Variants in ST6GAL1 observed in about 807,000 individuals in gnomAD.
ST6GAL1 encodes ST6 beta-galactoside alpha-2,6-sialyltransferase 1.
A neutral mutation model predicts 38.0 loss-of-function variants in ST6GAL1; 20 were observed. The observed-to-expected ratio is 0.53, with a 90% CI of 0.37 to 0.77. The LOEUF (loss-of-function observed/expected upper bound fraction) is 0.77, where lower values mean the gene tolerates loss of function less well. ST6GAL1 is among the 30% of genes least tolerant of loss of function. ST6GAL1 has a pLI of 0.00. For synonymous variants in ST6GAL1, 196 were observed against 188.2 expected (o/e 1.04, Z -0.34); for missense variants, 432 against 496.4 (o/e 0.87, Z 1.23).
At chr3:186,973,655 G>C (rs976379127) in intron 2 of ST6GAL1, among the ~76,000 whole-genome samples, 1 of 152,172 alleles carries the variant, frequency 6.6e-6, no homozygotes, top group Non-Finnish European at 1.5e-5. Flanking sequence ...TTTGTAGATT[G>C]TTGTGAGGGC....
Position 187,075,635 on chromosome 3 carries a change from C to A in ST6GAL1, c.1053C>A (p.Asp351Glu), listed in dbSNP as rs7629263. The A allele has an allele frequency of 3.7e-6, 6 of 1,614,104 alleles. No individual in the cohort carries two copies. Among genetic ancestry groups the A allele is most frequent in the Non-Finnish European group, 4.2e-6 (5 of 1,180,016 alleles). ...YEFLPSKRKT[D>E]VCYYYQKFFD... ...TCCTCCCATCCAAGCGCAAGACTGA[C>A]GTGTGCTACTACTACCAGAAGTTCT... Residue 351 changes from aspartate to glutamate, a missense_variant, in exon 8 of 8, where the codon GAC becomes GAA. Physicochemically the swap from Asp to Glu is conservative, Grantham distance 45 (BLOSUM62 2). Coordinates refer to ENST00000169298, the MANE Select transcript of ST6GAL1 (RefSeq NM_173216.2). The surrounding 1 kb of genome is among the most constrained non-coding windows in gnomAD (Gnocchi z 4.1).
intron 2 of ST6GAL1, among the ~76,000 whole-genome samples, chr3:186,985,254 CATCT>C (rs1273343437): frequency 1.2e-4 from 18 of 152,012 alleles, no homozygotes; most frequent in African/African-American, 4.1e-4. Context: ...AAGCACTTAG[CATCT>C]TTTAAGATAC....
intron 5 of ST6GAL1, among the ~76,000 whole-genome samples, chr3:187,056,303 C>T (rs1718700972): frequency 6.6e-6 from 1 of 152,178 alleles, no homozygotes; most frequent in African/African-American, 2.4e-5. Flanking sequence ...AGCCCATTTA[C>T]ATTTAAGGTT....
In ST6GAL1 at chr3:186,951,876, C is replaced by T. The variant is rs9875326; in HGVS notation, c.-324-11909C>T. ...AAGTTGAAGGCACCAGCAGATTCGG[C>T]GTCTGGTGAGAGCTTGCTTCCTAAT... On this transcript the variant is annotated intron_variant, in intron 1 of 7. Coordinates refer to ENST00000169298, the MANE Select transcript of ST6GAL1 (RefSeq NM_173216.2). Among the ~76,000 whole-genome samples, 447 of 152,274 alleles carry T rather than the reference C, an allele frequency of 2.9e-3. 1 individual carries two copies. The highest frequency in any genetic ancestry group is 9.9e-3 in the African/African-American group (413 of 41,566).
intron 1 of ST6GAL1, among the ~76,000 whole-genome samples, chr3:186,934,778 A>T (rs988858625): frequency 3.3e-5 from 5 of 151,718 alleles, no homozygotes; most frequent in Non-Finnish European, 5.9e-5. Flanking sequence ...TTATTTATTT[A>T]TTTTTTCAGA....
intron 4 of ST6GAL1, among the ~76,000 whole-genome samples, chr3:187,044,188 T>C (rs1718220300): frequency 6.6e-6 from 1 of 152,236 alleles, no homozygotes; most frequent in African/African-American, 2.4e-5. Context: ...AAAGTCTGTC[T>C]ATATTTGTAA....
chr3:186,975,182 T>C (rs12486343), intron 2 of ST6GAL1: 19,870 of 152,910 alleles, frequency 0.13, 1,714 homozygotes, highest in East Asian at 0.46. Context: ...AGCGGGTGCC[T>C]GTGTGCACGG....
chr3:187,045,115 G>C (rs897293592), intron 4 of ST6GAL1, among the ~76,000 whole-genome samples: 2 of 152,176 alleles, frequency 1.3e-5, no homozygotes, highest in African/African-American at 2.4e-5. Context: ...TCTGGAATTT[G>C]TTGAGTCTCT....
At chr3:187,065,279 C>T (rs892968456) in intron 5 of ST6GAL1, among the ~76,000 whole-genome samples, 2 of 152,206 alleles carry the variant, frequency 1.3e-5, no homozygotes, top group African/African-American at 4.8e-5. Context: ...GGATTACAGG[C>T]ATGAGCCACT....
chr3:186,979,461 A>G (rs1715622038), intron 2 of ST6GAL1, among the ~76,000 whole-genome samples: 1 of 152,078 alleles, frequency 6.6e-6, no homozygotes, highest in Non-Finnish European at 1.5e-5. Flanking sequence ...CCAAGAGAGG[A>G]ACTCCTTGGG....
In ST6GAL1 at chr3:187,018,490, G is replaced by A. The variant is rs530125563; in HGVS notation, c.-182-20252G>A. On this transcript the variant is annotated intron_variant, in intron 2 of 7. Coordinates refer to ENST00000169298, the MANE Select transcript of ST6GAL1 (RefSeq NM_173216.2). ...GGTTGAGGAGCAGGAAAGCCAGTCC[G>A]AGTCCCACAGCTGAAGAACTTGGAG... Among the ~76,000 whole-genome samples the A allele has an allele frequency of 8.7e-4, 133 of 152,280 alleles. 4 individuals carry two copies. The South Asian group carries it at 0.026, about 29-fold the overall frequency.
chr3:186,984,696 C>T (rs1006995375), intron 2 of ST6GAL1, among the ~76,000 whole-genome samples: 3 of 150,846 alleles, frequency 2.0e-5, no homozygotes, highest in African/African-American at 4.9e-5. Context: ...CCAGTACTTC[C>T]GATCTCCCCT....
chr3:187,009,913 G>A (rs1716901628), intron 2 of ST6GAL1, among the ~76,000 whole-genome samples: 2 of 152,210 alleles, frequency 1.3e-5, no homozygotes, highest in South Asian at 4.2e-4. Context: ...GCCGAGGCAG[G>A]AGAATCGCTT....
At chr3:187,035,214 C>T (rs560675326) in intron 2 of ST6GAL1, among the ~76,000 whole-genome samples, 1 of 152,182 alleles carries the variant, frequency 6.6e-6, no homozygotes, top group East Asian at 1.9e-4. Flanking sequence ...AATATCTCTC[C>T]AAGGAGAACT....
intron 1 of ST6GAL1, among the ~76,000 whole-genome samples, chr3:186,955,992 A>G (rs1176921919): frequency 6.6e-6 from 1 of 152,012 alleles, no homozygotes; most frequent in Non-Finnish European, 1.5e-5. Flanking sequence ...TGAGGCGCAG[A>G]GAGGTTAAAC....
chr3:186,942,554 G>T (rs1369406363), intron 1 of ST6GAL1: 1 of 152,098 alleles, frequency 6.6e-6, no homozygotes, highest in Non-Finnish European at 1.5e-5. Flanking sequence ...ACCTCTCGAT[G>T]GTCCTCTGTG....
intron 5 of ST6GAL1, among the ~76,000 whole-genome samples, chr3:187,070,873 C>T (rs982294207): frequency 6.6e-6 from 1 of 152,154 alleles, no homozygotes; most frequent in Non-Finnish European, 1.5e-5. Context: ...TCCTTAGCAC[C>T]CAGTATAGCT....
chr3:187,074,206 T>C lies in ST6GAL1; in HGVS notation c.852T>C (p.Tyr284=), dbSNP rs755923392. 2.5e-6 allele frequency: 4 copies of C among 1,612,584 alleles called. No individual in the cohort carries two copies. Among genetic ancestry groups the C allele is most frequent in the Middle Eastern group, 1.7e-4 (1 of 6,060 alleles). The change falls in exon 7 of 8, where the codon TAT becomes TAC. Residue 284 remains tyrosine, a synonymous_variant. Coordinates refer to ENST00000169298, the MANE Select transcript of ST6GAL1 (RefSeq NM_173216.2). ...DYNFFNNYKT[Y]RKLHPNQPFY... is the part of the protein sequence containing the mutation. ...ATTTCTTTAACAACTACAAGACTTA[T>C]CGTAAGCTGCACCCCAATCAGCCCT... is the stretch of plus-strand genomic sequence containing the variant.
chr3:187,035,545 C>G (rs933040823), intron 2 of ST6GAL1, among the ~76,000 whole-genome samples: 2 of 152,102 alleles, frequency 1.3e-5, no homozygotes, highest in African/African-American at 2.4e-5. Context: ...GGTACTGGTA[C>G]CAAAACAGAC....
Sources: gnomAD v4.1 joint callset for allele counts (sites outside exome capture counted in the v4.1 genomes callset) on GRCh38, gnomAD v4.1.1 for gene constraint, Gnocchi (gnomAD v3.1) non-coding constraint, MANE v1.5 for transcripts, NCBI Gene and HGNC (gene_info 2026-07-23, HGNC 2026-07-21) for gene names.